Variants in CACNA1E observed in about 807,000 individuals in gnomAD.
The protein encoded by CACNA1E is calcium voltage-gated channel subunit alpha1 E.
A neutral mutation model predicts 259.2 loss-of-function variants in CACNA1E; 40 were observed. That is an observed-to-expected ratio of 0.15 (90% CI 0.12 to 0.20). CACNA1E has a LOEUF of 0.20. CACNA1E is among the 10% of genes least tolerant of loss of function. The pLI, the probability that CACNA1E is intolerant of heterozygous loss-of-function variation, is 1.00. For missense variants in CACNA1E, 1,874 were observed against 3,040.1 expected (o/e 0.62, Z 9.02); for synonymous variants, 1,104 against 1,138.5 (o/e 0.97, Z 0.61).
chr1:181,473,390 T>C (rs949655562), intron 2 of CACNA1E, among the ~76,000 whole-genome samples: 3 of 152,222 alleles, frequency 2.0e-5, no homozygotes, highest in Non-Finnish European at 4.4e-5. Context: ...TTTGAGAGTT[T>C]TGAAGGGTTG....
At chr1:181,520,400 G>T (rs1433232136) in intron 3 of CACNA1E, among the ~76,000 whole-genome samples, 1 of 151,966 alleles carries the variant, frequency 6.6e-6, no homozygotes, top group Non-Finnish European at 1.5e-5. Flanking sequence ...CCAGGACAGT[G>T]ATATTATAAA....
At chr1:181,391,709 T>A (rs1333979501) in intron 1 of CACNA1E, among the ~76,000 whole-genome samples, 1 of 152,136 alleles carries the variant, frequency 6.6e-6, no homozygotes, top group Non-Finnish European at 1.5e-5. Context: ...CTAGGGAGTC[T>A]GGGGAATGCT....
At chr1:181,368,198 C>A (rs891214920) in intron 1 of CACNA1E, among the ~76,000 whole-genome samples, 13 of 151,648 alleles carry the variant, frequency 8.6e-5, no homozygotes, top group African/African-American at 3.2e-4. Flanking sequence ...CCACTGCACT[C>A]CAGCCTGGGT....
intron 44 of CACNA1E, among the ~76,000 whole-genome samples, chr1:181,791,830 G>C (rs974341071): frequency 6.6e-6 from 1 of 152,202 alleles, no homozygotes; most frequent in African/African-American, 2.4e-5. Flanking sequence ...CCTCCCCGCT[G>C]CTACTGTGTA....
In CACNA1E at chr1:181,342,109, G is replaced by A. The variant is rs545324796; in HGVS notation, c.-15+23986G>A. Among the ~76,000 whole-genome samples, 8 of 152,242 alleles carry A rather than the reference G, an allele frequency of 5.3e-5. No individual in the cohort carries two copies. The East Asian group carries it at 5.8e-4, about 11-fold the overall frequency. On this transcript the variant is annotated intron_variant, in intron 1 of 11. Coordinates refer to the CACNA1E transcript ENST00000524607. ...CTCTAGACTTGAATGGTAAGAAGGGGCCAACTATGTCAAGACCTGGCAGAA... is the reference window on the plus strand; with the variant it reads ...CTCTAGACTTGAATGGTAAGAAGGGACCAACTATGTCAAGACCTGGCAGAA...
At chr1:181,412,759 T>C (rs902683360) in intron 1 of CACNA1E, among the ~76,000 whole-genome samples, 1 of 151,856 alleles carries the variant, frequency 6.6e-6, no homozygotes, top group African/African-American at 2.4e-5. Flanking sequence ...GCCCTCGGAG[T>C]TCTCTCCTTA....
intron 6 of CACNA1E, among the ~76,000 whole-genome samples, chr1:181,612,803 G>T (rs1346018869): frequency 2.0e-5 from 3 of 152,192 alleles, no homozygotes; most frequent in African/African-American, 7.2e-5. Context: ...TAACTGTCAG[G>T]TTGACTGAAT....
At chr1:181,329,312 C>T (rs772636335) in intron 1 of CACNA1E, among the ~76,000 whole-genome samples, 3 of 152,176 alleles carry the variant, frequency 2.0e-5, no homozygotes, top group Non-Finnish European at 4.4e-5. Flanking sequence ...TCCACTTCCT[C>T]TCTGGTCCCC....
Position 181,732,977 on chromosome 1 carries a change from G to A in CACNA1E, c.2891G>A (p.Gly964Asp), listed in dbSNP as rs1325451612. The stretch of plus-strand genomic sequence containing the variant: ...GGGGAGAAGGACCATGAGCTCAGGG[G>A]CAACCATGGTGCCAAGGAGCCAACG... ...TEGEKDHELR[G>D]NHGAKEPTIQ... Residue 964 changes from glycine (G) to aspartate (D), a missense_variant, in exon 20 of 48, where the codon GGC becomes GAC. Coordinates refer to ENST00000367573, the MANE Select transcript of CACNA1E (RefSeq NM_001205293.3). This position sits in a 1 kb window ranked among gnomAD's most constrained non-coding sequence, Gnocchi z 5.5. The A allele has an allele frequency of 3.1e-6, 5 of 1,613,660 alleles. No homozygotes were observed. The highest frequency in any genetic ancestry group is 1.1e-5 in the South Asian group (1 of 91,018).
chr1:181,436,147 G>A (rs912185459), intron 2 of CACNA1E, among the ~76,000 whole-genome samples: 6 of 152,204 alleles, frequency 3.9e-5, no homozygotes, highest in Admixed American at 3.9e-4. Context: ...TCAGGGAAAT[G>A]CAAATTTAAC....
intron 3 of CACNA1E, among the ~76,000 whole-genome samples, chr1:181,515,711 GATGGACAGATGA>G (rs1379400435): frequency 2.6e-5 from 4 of 152,192 alleles, no homozygotes; most frequent in Non-Finnish European, 5.9e-5. Context: ...ACCTGGAGCA[GATGGACAGATGA>G]GATGGGAGGA....
chr1:181,522,621 A>G (rs562948572), intron 3 of CACNA1E, among the ~76,000 whole-genome samples: 5 of 152,176 alleles, frequency 3.3e-5, no homozygotes, highest in South Asian at 4.1e-4. Flanking sequence ...CACTGTAAAT[A>G]TAACATTTTG....
At chr1:181,593,772 C>T (rs367823149) in intron 6 of CACNA1E, among the ~76,000 whole-genome samples, 22 of 152,172 alleles carry the variant, frequency 1.4e-4, no homozygotes, top group South Asian at 6.2e-4. Flanking sequence ...CTCCTGACCT[C>T]GTGATCCCCC....
rs550917186 is a variant in CACNA1E at position 181,543,635 on chromosome 1, C to T, written c.512+32125C>T. Among the ~76,000 whole-genome samples, 25 of 152,298 alleles carry T rather than the reference C, an allele frequency of 1.6e-4. No homozygotes were observed. The South Asian group carries it at 5.2e-3, about 32-fold the overall frequency. On this transcript the variant is annotated intron_variant, in intron 3 of 47. Transcript: ENST00000367573. ...CCTCGCCAGGAATCTAACTGGCCAG[C>T]ACCTTGATCTTGGACATCCCAGCCT...
chr1:181,424,430 A>G (rs567576058), intron 2 of CACNA1E, among the ~76,000 whole-genome samples: 1 of 152,314 alleles, frequency 6.6e-6, no homozygotes, highest in Admixed American at 6.5e-5. Flanking sequence ...TTTCCCTTCA[A>G]CCTTCCGCAG....
At chr1:181,686,579 G>A (rs7526422) in intron 7 of CACNA1E, among the ~76,000 whole-genome samples, 2 of 152,150 alleles carry the variant, frequency 1.3e-5, no homozygotes, top group East Asian at 3.9e-4. Flanking sequence ...GAGCCACTGC[G>A]CCTGGCCAGA....
intron 6 of CACNA1E, among the ~76,000 whole-genome samples, chr1:181,594,606 C>T (rs1213967064): frequency 6.6e-6 from 1 of 152,192 alleles, no homozygotes. Context: ...CCATGTTGGC[C>T]AGACTGGTCT....
In CACNA1E at chr1:181,757,381, G is replaced by C. The variant is rs897821207; in HGVS notation, c.4329+255G>C. 2.6e-5 allele frequency among the ~76,000 whole-genome samples: 4 copies of C among 152,252 alleles called. No individual in the cohort carries two copies. The East Asian group carries it at 7.7e-4, about 29-fold the overall frequency. On this transcript the variant is annotated intron_variant, in intron 30 of 47. Coordinates refer to ENST00000367573, the MANE Select transcript of CACNA1E (RefSeq NM_001205293.3). The stretch of plus-strand genomic sequence containing the variant: ...TTTACCTTTGTGTGCACATAGTCTA[G>C]AAAACAATGATAACTTCAGATATCT...
intron 36 of CACNA1E, chr1:181,771,736 G>T: frequency 2.2e-6 from 1 of 461,940 alleles, no homozygotes; most frequent in Non-Finnish European, 3.9e-6. Context: ...TGGGAGGGGG[G>T]AATGTCAGGA....
Sources: gnomAD v4.1 joint callset for allele counts (sites outside exome capture counted in the v4.1 genomes callset) on GRCh38, gnomAD v4.1.1 for gene constraint, Gnocchi (gnomAD v3.1) non-coding constraint, MANE v1.5 for transcripts, NCBI Gene and HGNC (gene_info 2026-07-23, HGNC 2026-07-21) for gene names.